Variants in PTPRM observed in about 807,000 individuals in gnomAD.
PTPRM encodes protein tyrosine phosphatase receptor type M, also known as receptor-type tyrosine-protein phosphatase mu.
PTPRM carries 47 observed loss-of-function variants against 186.7 expected under a neutral mutation model. The observed-to-expected ratio is 0.25, with a 90% CI of 0.20 to 0.32. The LOEUF (loss-of-function observed/expected upper bound fraction) is 0.32, where lower values mean the gene tolerates loss of function less well. Among genes scored for constraint, PTPRM ranks in the 10% least tolerant of loss-of-function variants. The pLI is 1.00. For missense variants in PTPRM, 1,494 were observed against 1,865.0 expected (o/e 0.80, Z 3.66); for synonymous variants, 668 against 674.9 (o/e 0.99, Z 0.16).
At chr18:8,270,144 A>T (rs938355070) in intron 19 of PTPRM, 6 of 152,100 alleles carry the variant, frequency 3.9e-5, no homozygotes, top group African/African-American at 1.4e-4. Context: ...GAGAAAAAGC[A>T]ACCTACAGAA....
chr18:8,151,774 G>A (rs1239765741), intron 14 of PTPRM, among the ~76,000 whole-genome samples: 1 of 151,990 alleles, frequency 6.6e-6, no homozygotes, highest in East Asian at 1.9e-4. Flanking sequence ...GAAACCCGGG[G>A]CCCTGGTGGG....
At chr18:8,344,040 G>A (rs935071842) in intron 23 of PTPRM, among the ~76,000 whole-genome samples, 64 of 152,308 alleles carry the variant, frequency 4.2e-4, no homozygotes, top group African/African-American at 1.5e-3. Context: ...AACTGTTTAT[G>A]AGCAGTGCTT....
intron 2 of PTPRM, among the ~76,000 whole-genome samples, chr18:7,875,733 C>T (rs542400630): frequency 1.8e-4 from 27 of 152,290 alleles, no homozygotes; most frequent in Non-Finnish European, 2.5e-4. Context: ...CTCTCTATCC[C>T]GGTCACTCTC....
At chr18:8,288,118 G>T (rs989900675) in intron 19 of PTPRM, among the ~76,000 whole-genome samples, 3 of 152,198 alleles carry the variant, frequency 2.0e-5, no homozygotes, top group African/African-American at 7.2e-5. Context: ...GAAACCCTTT[G>T]GTCCAGCTTC....
At chr18:7,796,381 A>G (rs186276965) in intron 2 of PTPRM, among the ~76,000 whole-genome samples, 1 of 152,288 alleles carries the variant, frequency 6.6e-6, no homozygotes, top group African/African-American at 2.4e-5. Flanking sequence ...GTAAACAAAA[A>G]TCACTTGCAT....
At chr18:8,317,379 T>C (rs530811704) in intron 21 of PTPRM, among the ~76,000 whole-genome samples, 1 of 152,114 alleles carries the variant, frequency 6.6e-6, no homozygotes, top group South Asian at 2.1e-4. Flanking sequence ...AGGAGTTCAG[T>C]CTTAGGTGTG....
chr18:7,765,267 TTG>T (rs1388208620), intron 1 of PTPRM, among the ~76,000 whole-genome samples: 1 of 152,224 alleles, frequency 6.6e-6, no homozygotes, highest in African/African-American at 2.4e-5. Flanking sequence ...CTTATTTCCT[TTG>T]TATCATATAA....
At chr18:8,175,843 G>T (rs117039440) in intron 14 of PTPRM, among the ~76,000 whole-genome samples, 1 of 152,140 alleles carries the variant, frequency 6.6e-6, no homozygotes, top group African/African-American at 2.4e-5. Flanking sequence ...TTGTCTCACC[G>T]GCAGAGAATT....
rs183424143 is a variant in PTPRM, at chr18:7,763,071, C to T, written c.74-11078C>T. Among the ~76,000 whole-genome samples, 3 of 152,268 alleles carry T rather than the reference C, an allele frequency of 2.0e-5. No individual in the cohort carries two copies. The East Asian group carries it at 5.8e-4, about 29-fold the overall frequency. On this transcript the variant is annotated intron_variant, in intron 1 of 32. Coordinates refer to ENST00000580170, the MANE Select transcript of PTPRM (RefSeq NM_001105244.2). ...TTGCACCCCAAAATCCTTAAGGAAC[C>T]TTTTGGGTGGGAGACCAGCATAATG... is the stretch of plus-strand genomic sequence containing the variant.
intron 1 of PTPRM, among the ~76,000 whole-genome samples, chr18:7,711,304 A>T (rs555576198): frequency 9.4e-4 from 143 of 152,294 alleles, no homozygotes; most frequent in Non-Finnish European, 1.7e-3. Context: ...TCTGGCCCAG[A>T]TACTACGCTT....
intron 2 of PTPRM, among the ~76,000 whole-genome samples, chr18:7,856,736 C>G (rs1231049487): frequency 9.3e-6 from 1 of 107,700 alleles, no homozygotes; most frequent in Non-Finnish European, 1.8e-5. Context: ...AGAGCAAGAC[C>G]CTGTCTCAAA....
At chr18:8,233,689 C>T (rs2094313838) in intron 14 of PTPRM, among the ~76,000 whole-genome samples, 1 of 151,948 alleles carries the variant, frequency 6.6e-6, no homozygotes, top group African/African-American at 2.4e-5. Context: ...CATGGATTAT[C>T]CCTTTAATAT....
At chr18:7,709,368 G>A (rs1055367815) in intron 1 of PTPRM, among the ~76,000 whole-genome samples, 1 of 151,934 alleles carries the variant, frequency 6.6e-6, no homozygotes, top group African/African-American at 2.4e-5. Flanking sequence ...AACAATAATA[G>A]TGACACAACT....
At chr18:8,253,508 C>T in intron 19 of PTPRM, 94 bp downstream of exon 19, 2 of 1,166,660 alleles carry the variant, frequency 1.7e-6, no homozygotes, top group East Asian at 3.2e-5. Context: ...CCAGAGAAAA[C>T]CCCCTGCCCC....
chr18:8,201,054 G>A (rs1196292757), intron 14 of PTPRM, among the ~76,000 whole-genome samples: 2 of 152,152 alleles, frequency 1.3e-5, no homozygotes, highest in Non-Finnish European at 2.9e-5. Flanking sequence ...GATGGCTCCC[G>A]CCTGTAATCC....
At chr18:7,789,074 C>T (rs1266507135) in intron 2 of PTPRM, among the ~76,000 whole-genome samples, 1 of 152,148 alleles carries the variant, frequency 6.6e-6, no homozygotes. Context: ...GTAATCCCAG[C>T]ATTTTGGAAA....
At chr18:7,689,695 C>A (rs1331630683) in intron 1 of PTPRM, among the ~76,000 whole-genome samples, 1 of 152,156 alleles carries the variant, frequency 6.6e-6, no homozygotes, top group East Asian at 1.9e-4. Context: ...AAAAAATAAG[C>A]AACAAGTAAT....
At chr18:8,340,149 C>A (rs1249502498) in intron 22 of PTPRM, among the ~76,000 whole-genome samples, 1 of 152,184 alleles carries the variant, frequency 6.6e-6, no homozygotes, top group Non-Finnish European at 1.5e-5. Context: ...GAACGGCCGC[C>A]AAGTGTTGGC....
intron 14 of PTPRM, among the ~76,000 whole-genome samples, chr18:8,229,185 G>A (rs1032413720): frequency 5.3e-5 from 8 of 152,002 alleles, no homozygotes; most frequent in South Asian, 2.1e-4. Context: ...TTTGGTGAGC[G>A]CCTACCACAT....
Sources: gnomAD v4.1 joint callset for allele counts (sites outside exome capture counted in the v4.1 genomes callset) on GRCh38, gnomAD v4.1.1 for gene constraint, MANE v1.5 for transcripts, NCBI Gene and HGNC (gene_info 2026-07-23, HGNC 2026-07-21) for gene names.